COG5: variants seen among roughly 807,000 people sequenced by gnomAD.
COG5 encodes component of oligomeric golgi complex 5.
Under a neutral mutation model 110.4 loss-of-function variants are expected in COG5, and 86 were observed. The observed-to-expected ratio is 0.78, with a 90% confidence interval of 0.65 to 0.93. The LOEUF (loss-of-function observed/expected upper bound fraction) is 0.93. COG5 is among the 40% of genes least tolerant of loss of function. The pLI is 0.00. For synonymous variants in COG5, 360 were observed against 334.6 expected (o/e 1.08, Z -0.83); for missense variants, 1,077 against 987.0 (o/e 1.09, Z -1.22).
chr7:107,500,976 C>T (rs1563068847), intron 6 of COG5, among the ~76,000 whole-genome samples: 2 of 152,008 alleles, frequency 1.3e-5, no homozygotes, highest in African/African-American at 4.8e-5. Flanking sequence ...GCCATATTTA[C>T]CAAAACAAAG....
At chr7:107,412,365 T>G in intron 7 of COG5, 137 bp downstream of exon 7, 1 of 762,140 alleles carries the variant, frequency 1.3e-6, no homozygotes, top group East Asian at 2.8e-5. Context: ...TGACCCATTC[T>G]TTGATTTAAA....
chr7:107,298,488 C>T, intron 11 of COG5, 142 bp from the exon 12 acceptor site: 1 of 537,722 alleles, frequency 1.9e-6, no homozygotes, highest in South Asian at 3.2e-5. Flanking sequence ...TATAATAATG[C>T]TAATAATAAT....
chr7:107,390,569 C>A (rs140690817), intron 7 of COG5, among the ~76,000 whole-genome samples: 2,152 of 151,928 alleles, frequency 0.014, 56 homozygotes, highest in African/African-American at 0.047. Context: ...AATTTAACAG[C>A]AGATGTAAAG....
chr7:107,538,485 C>A (rs192104223), intron 5 of COG5, among the ~76,000 whole-genome samples: 124 of 152,278 alleles, frequency 8.1e-4, no homozygotes, highest in African/African-American at 2.8e-3. Context: ...TAAACTTCCA[C>A]TCTGAACATC....
At chr7:107,327,486 A>G (rs80149210) in intron 10 of COG5, among the ~76,000 whole-genome samples, 4,501 of 152,262 alleles carry the variant, frequency 0.03, 81 homozygotes, top group Middle Eastern at 0.051. Flanking sequence ...GAAAGGAAAC[A>G]ATCAATAGAG....
chr7:107,299,478 CA>C (rs1223998140), intron 11 of COG5, among the ~76,000 whole-genome samples: 1 of 152,002 alleles, frequency 6.6e-6, no homozygotes, highest in Non-Finnish European at 1.5e-5. Context: ...AAAGCTCACT[CA>C]AGAAGCAATA....
chr7:107,536,736 A>G (rs1801611765), intron 5 of COG5, among the ~76,000 whole-genome samples: 1 of 152,150 alleles, frequency 6.6e-6, no homozygotes, highest in African/African-American at 2.4e-5. Flanking sequence ...TACCATTGAC[A>G]TTCTTCACAG....
rs145575364 is a variant in COG5, at chr7:107,363,732, G to C, written c.836-1312C>G. The stretch of plus-strand genomic sequence containing the variant: ...AGAACTTTGAGAGGCCAAGGTGGAC[G>C]GATCACCTGAAGTCAGGATTCGAGA... On this transcript the variant is annotated intron_variant, in intron 8 of 21. Transcript: ENST00000297135. 3.1e-3 allele frequency among the ~76,000 whole-genome samples: 465 copies of C among 152,188 alleles called. 1 individual carries two copies. Among genetic ancestry groups the C allele is most frequent in the Non-Finnish European group, 5.5e-3 (372 of 68,004 alleles).
chr7:107,277,957 A>C (rs1804835536), intron 14 of COG5, among the ~76,000 whole-genome samples: 1 of 152,182 alleles, frequency 6.6e-6, no homozygotes, highest in Non-Finnish European at 1.5e-5. Flanking sequence ...AATCTACTAT[A>C]CCCCAGAATA....
At chr7:107,535,477 A>G (rs1156878156) in intron 5 of COG5, among the ~76,000 whole-genome samples, 1 of 151,716 alleles carries the variant, frequency 6.6e-6, no homozygotes, top group Non-Finnish European at 1.5e-5. Context: ...GATAAAGGGG[A>G]TATCACCACT....
At chr7:107,210,428 G>A (rs1045500660) in intron 21 of COG5, 98 bp downstream of exon 21, 3 of 1,526,610 alleles carry the variant, frequency 2.0e-6, no homozygotes, top group Non-Finnish European at 2.6e-6. Flanking sequence ...GCAGTCACAT[G>A]TCCATGCCCC....
intron 11 of COG5, among the ~76,000 whole-genome samples, chr7:107,311,668 C>T (rs1298727675): frequency 6.6e-6 from 1 of 151,926 alleles, no homozygotes; most frequent in African/African-American, 2.4e-5. Context: ...GCTGGGATTA[C>T]AGGCGTGAGC....
In COG5 at chr7:107,344,060, T is replaced by G. The variant is rs550242548; in HGVS notation, c.1026+17973A>C. ...AATTAGCACTGGTTTCCACTTAATG[T>G]TACCAGGGGCATTAGACCTAAAAAT... On this transcript the variant is annotated intron_variant, in intron 10 of 21. Coordinates refer to ENST00000297135, the MANE Select transcript of COG5 (RefSeq NM_006348.5). 2.1e-4 allele frequency among the ~76,000 whole-genome samples: 32 copies of G among 152,290 alleles called. No individual in the cohort carries two copies. The East Asian group carries it at 5.8e-3, about 28-fold the overall frequency.
intron 6 of COG5, among the ~76,000 whole-genome samples, chr7:107,517,917 C>T (rs192668390): frequency 1.3e-5 from 2 of 152,066 alleles, no homozygotes; most frequent in East Asian, 1.9e-4. Flanking sequence ...AGGCTGGTCT[C>T]GAACTCCTGA....
At chr7:107,460,999 T>C (rs1251941130) in intron 6 of COG5, among the ~76,000 whole-genome samples, 1 of 152,142 alleles carries the variant, frequency 6.6e-6, no homozygotes, top group African/African-American at 2.4e-5. Flanking sequence ...ATGTCTTCTC[T>C]AGTGAATTTT....
At chr7:107,324,613 T>A in intron 10 of COG5, 92 bp from the exon 11 acceptor site, 1 of 659,308 alleles carries the variant, frequency 1.5e-6, no homozygotes, top group Non-Finnish European at 2.6e-6. Context: ...GAAAAGTTAT[T>A]TAAAATTTAA....
At chr7:107,220,473 A>G (rs1178772552) in intron 19 of COG5, among the ~76,000 whole-genome samples, 2 of 152,212 alleles carry the variant, frequency 1.3e-5, no homozygotes, top group African/African-American at 4.8e-5. Context: ...GCCTCTGGAA[A>G]CTGACTCTGG....
At chr7:107,252,959 T>C (rs888505431) in intron 16 of COG5, 1 of 152,176 alleles carries the variant, frequency 6.6e-6, no homozygotes, top group Non-Finnish European at 1.5e-5. Context: ...ATTATATCAT[T>C]AACCTATAGC....
At position 107,421,557 on chromosome 7, in the gene COG5, G is replaced by C. The variant is rs569861499; in HGVS notation, c.539-8925C>G. On this transcript the variant is annotated intron_variant, in intron 6 of 21. Coordinates refer to ENST00000297135, the MANE Select transcript of COG5 (RefSeq NM_006348.5). ...TGTAATCCCAGCACTTTGGGAGGCC[G>C]AGGCAGGCTGATCACTTGAGGTCAG... 2.6e-5 allele frequency among the ~76,000 whole-genome samples: 4 copies of C among 152,258 alleles called. No individual in the cohort carries two copies. In the South Asian group the frequency reaches 8.3e-4, roughly 32 times the overall value.
Sources: allele counts gnomAD v4.1 joint callset (sites outside exome capture counted in the v4.1 genomes callset), GRCh38; gene constraint gnomAD v4.1.1; transcripts MANE v1.5; gene names NCBI Gene and HGNC (gene_info 2026-07-23, HGNC 2026-07-21).